The following METTL15 variants were observed in gnomAD, a reference collection of about 807,000 sequenced individuals.
The protein encoded by METTL15 is 12S rRNA N(4)-cytidine methyltransferase METTL15.
METTL15 carries 34 observed loss-of-function variants against 38.3 expected under a neutral mutation model. The ratio of observed to expected loss-of-function variants is 0.89; its 90% confidence interval spans 0.68 to 1.18. The LOEUF is 1.18. Ranked by LOEUF, METTL15 falls within the 50% of genes most tolerant of loss-of-function variation. The pLI is 0.00. For missense variants in METTL15, 438 were observed against 498.4 expected (o/e 0.88, Z 1.15); for synonymous variants, 162 against 170.9 (o/e 0.95, Z 0.41).
At chr11:28,287,193 TGTG>T in intron 4 of METTL15, 3 of 220,740 alleles carry the variant, frequency 1.4e-5, no homozygotes, top group Non-Finnish European at 1.8e-5. Context: ...TGTGTGTGTG[TGTG>T]TTCATGAGGC....
rs753432418 is a variant in METTL15 at position 28,318,940 on chromosome 11, A to G, written c.779-11456A>G. ...AAGCAGATGAAAAAGAGACAAATGT[A>G]CAGTCAATAACCTGAGCTAACAATA... On this transcript the variant is annotated intron_variant, in intron 6 of 6. Transcript: ENST00000407364. Among the ~76,000 whole-genome samples the G allele has an allele frequency of 3.3e-5, 5 of 152,348 alleles. No individual in the cohort carries two copies. The South Asian group carries it at 8.3e-4, about 25-fold the overall frequency.
chr11:28,163,470 C>G (rs555514702), intron 3 of METTL15: 97 of 397,992 alleles, frequency 2.4e-4, no homozygotes, highest in African/African-American at 1.9e-3. Context: ...TCTCCCCATG[C>G]TGTTACTCGG....
chr11:28,289,646 A>G (rs1856430884), intron 4 of METTL15, among the ~76,000 whole-genome samples: 1 of 152,134 alleles, frequency 6.6e-6, no homozygotes, highest in Non-Finnish European at 1.5e-5. Context: ...CCCTGCTGAG[A>G]GATAATACAT....
intron 4 of METTL15, among the ~76,000 whole-genome samples, chr11:28,274,374 A>G (rs1855762171): frequency 6.6e-6 from 1 of 151,994 alleles, no homozygotes; most frequent in South Asian, 2.1e-4. Context: ...GAAGCTAATG[A>G]CAACAGCCAA....
At chr11:28,240,858 GA>G (rs1716954664) in intron 4 of METTL15, among the ~76,000 whole-genome samples, 1 of 152,056 alleles carries the variant, frequency 6.6e-6, no homozygotes, top group African/African-American at 2.4e-5. Flanking sequence ...TTGAATAATG[GA>G]TAACCCTTTT....
chr11:28,426,992 G>T (rs754210618), intron 6 of METTL15, among the ~76,000 whole-genome samples: 1 of 151,960 alleles, frequency 6.6e-6, no homozygotes, highest in African/African-American at 2.4e-5. Flanking sequence ...CGATGTTTTC[G>T]TCATGAAGTC....
intron 5 of METTL15, among the ~76,000 whole-genome samples, chr11:28,404,468 T>C (rs987925397): frequency 2.0e-5 from 3 of 152,102 alleles, no homozygotes; most frequent in Admixed American, 2.0e-4. Context: ...CTTCTTGCTG[T>C]ATCCTCACAT....
At chr11:28,218,694 G>T (rs778417634) in intron 4 of METTL15, among the ~76,000 whole-genome samples, 25 of 151,974 alleles carry the variant, frequency 1.6e-4, no homozygotes, top group South Asian at 2.1e-4. Context: ...TGGCTGTGGG[G>T]TTGTCATAAA....
At chr11:28,488,920 C>A (rs1851459136) in intron 6 of METTL15, among the ~76,000 whole-genome samples, 2 of 152,048 alleles carry the variant, frequency 1.3e-5, no homozygotes, top group Non-Finnish European at 2.9e-5. Context: ...ACCAAGCAGA[C>A]CTTCACTAAG....
At chr11:28,307,550 G>A (rs1857124691) in intron 6 of METTL15, among the ~76,000 whole-genome samples, 1 of 151,910 alleles carries the variant, frequency 6.6e-6, no homozygotes, top group African/African-American at 2.4e-5. Flanking sequence ...AAGAGAAAAT[G>A]TAATAATTGT....
intron 6 of METTL15, among the ~76,000 whole-genome samples, chr11:28,478,095 A>G (rs573446377): frequency 6.6e-6 from 1 of 152,132 alleles, no homozygotes; most frequent in Non-Finnish European, 1.5e-5. Context: ...TTTATTTTAT[A>G]TTTTATTTTG....
intron 5 of METTL15, among the ~76,000 whole-genome samples, chr11:28,291,802 T>C (rs1381571425): frequency 6.6e-6 from 1 of 152,150 alleles, no homozygotes; most frequent in Non-Finnish European, 1.5e-5. Flanking sequence ...ACAAAACTTC[T>C]AGTTACTAGT....
In METTL15 at chr11:28,510,682, C is replaced by CA. The variant is rs544294049; in HGVS notation, c.*425-15792dup. Among the ~76,000 whole-genome samples the CA allele has an allele frequency of 4.2e-4, 64 of 152,200 alleles. 1 individual carries two copies. The South Asian group carries it at 0.013, about 30-fold the overall frequency. On this transcript the variant is annotated intron_variant and NMD_transcript_variant, in intron 6 of 7. Coordinates refer to the METTL15 transcript ENST00000532947. ...GGTTTAGAGAGGTTGATGACGGGCC[C>CA]AAAATCATGTTAAGTATGCAAACTG...
At chr11:28,222,143 C>T (rs548004220) in intron 4 of METTL15, among the ~76,000 whole-genome samples, 70 of 152,340 alleles carry the variant, frequency 4.6e-4, no homozygotes, top group African/African-American at 1.6e-3. Flanking sequence ...TATGCCCTGC[C>T]TCCAGAGGTG....
At chr11:28,184,851 G>A (rs530436377) in intron 3 of METTL15, among the ~76,000 whole-genome samples, 15 of 151,514 alleles carry the variant, frequency 9.9e-5, no homozygotes, top group Non-Finnish European at 1.9e-4. Context: ...AGGCCTCTAG[G>A]AGTATATGTG....
chr11:28,131,847 AGAT>A (rs1849348663), intron 3 of METTL15, among the ~76,000 whole-genome samples: 1 of 152,216 alleles, frequency 6.6e-6, no homozygotes, highest in Admixed American at 6.5e-5. Flanking sequence ...TACTTTCAAA[AGAT>A]TAATGTTATA....
At chr11:28,411,587 T>C (rs1265212768) in intron 5 of METTL15, among the ~76,000 whole-genome samples, 4 of 151,940 alleles carry the variant, frequency 2.6e-5, no homozygotes, top group Non-Finnish European at 5.9e-5. Context: ...CAACTCAAAA[T>C]GGATGGATAA....
At chr11:28,283,465 C>T (rs1039971582) in intron 4 of METTL15, among the ~76,000 whole-genome samples, 5 of 152,128 alleles carry the variant, frequency 3.3e-5, no homozygotes, top group African/African-American at 7.2e-5. Flanking sequence ...GTTCTTAACT[C>T]CTCTTATTAG....
intron 6 of METTL15, among the ~76,000 whole-genome samples, chr11:28,471,520 G>A (rs1054315892): frequency 2.0e-5 from 3 of 152,096 alleles, no homozygotes; most frequent in Non-Finnish European, 4.4e-5. Flanking sequence ...ACAGGTGGTT[G>A]AAAGAACTTC....
Sources: gnomAD v4.1 joint callset for allele counts (sites outside exome capture counted in the v4.1 genomes callset) on GRCh38, gnomAD v4.1.1 for gene constraint, MANE v1.5 for transcripts, NCBI Gene and HGNC (gene_info 2026-07-23, HGNC 2026-07-21) for gene names.